The following DEUP1 variants were observed in gnomAD, a reference collection of about 807,000 sequenced individuals.
DEUP1 encodes the protein deuterosome assembly protein 1, also known as coiled-coil domain containing 67.
A neutral mutation model predicts 87.4 loss-of-function variants in DEUP1; 82 were observed. The observed-to-expected ratio is 0.94, with a 90% CI of 0.78 to 1.13. The LOEUF (loss-of-function observed/expected upper bound fraction) is 1.13, where lower values mean the gene tolerates loss of function less well. DEUP1 is among the 50% of genes most tolerant of loss of function. The pLI, the probability that DEUP1 is intolerant of heterozygous loss-of-function variation, is 0.00. For synonymous variants in DEUP1, 214 were observed against 222.7 expected, an observed-to-expected ratio of 0.96 and a Z score of 0.35; for missense variants, 663 against 681.5, an observed-to-expected ratio of 0.97 and a Z score of 0.30.
chr11:93,415,899 G>A (rs1362419601), intron 13 of DEUP1, among the ~76,000 whole-genome samples: 2 of 151,824 alleles, frequency 1.3e-5, no homozygotes, highest in Admixed American at 6.6e-5. Context: ...TTCTACTATG[G>A]ATGGACATTT....
intron 13 of DEUP1, among the ~76,000 whole-genome samples, chr11:93,426,994 T>TAAAAAAAAAAAAAAAAAAAAAA (rs1157644297): frequency 3.4e-4 from 1 of 2,912 alleles, no homozygotes; most frequent in Non-Finnish European, 5.5e-4. Context: ...TAGAGTATAA[T>TAAAAAAAAAAAAAAAAAAAAAA]AAAAAAAAAA....
Position 93,363,265 on chromosome 11 carries a change from A to T in DEUP1, c.298-895A>T, listed in dbSNP as rs181586426. Among the ~76,000 whole-genome samples the T allele has an allele frequency of 2.0e-4, 31 of 151,936 alleles. No individual in the cohort carries two copies. The East Asian group carries it at 6.0e-3, about 29-fold the overall frequency. On this transcript the variant is annotated intron_variant, in intron 4 of 13. Coordinates refer to ENST00000298050, the MANE Select transcript of DEUP1 (RefSeq NM_181645.4). ...ATTCTAAAGGGATAGCATGAAGGAG[A>T]TCTTTGTGGTGACAGAATAGTCTAT...
intron 12 of DEUP1, among the ~76,000 whole-genome samples, chr11:93,412,411 G>A (rs1591247012): frequency 6.6e-6 from 1 of 152,160 alleles, no homozygotes; most frequent in Non-Finnish European, 1.5e-5. Context: ...TTTATGCAAG[G>A]TGGTTTTATG....
intron 7 of DEUP1, among the ~76,000 whole-genome samples, chr11:93,376,595 A>AT (rs1020859915): frequency 1.3e-5 from 2 of 151,056 alleles, no homozygotes; most frequent in East Asian, 1.9e-4. Context: ...TATCTGTTGA[A>AT]TTTTTTTTGT....
intron 2 of DEUP1, among the ~76,000 whole-genome samples, chr11:93,340,306 G>A (rs1278705150): frequency 6.6e-6 from 1 of 152,194 alleles, no homozygotes; most frequent in African/African-American, 2.4e-5. Context: ...GGCATTCCAG[G>A]CAGAGGAATC....
chr11:93,404,387 A>G (rs529365017), intron 11 of DEUP1, among the ~76,000 whole-genome samples: 1 of 152,226 alleles, frequency 6.6e-6, no homozygotes, highest in Non-Finnish European at 1.5e-5. Context: ...AGATTTAATT[A>G]GAACTCAGAA....
At chr11:93,336,758 C>T (rs1943786191) in intron 2 of DEUP1, among the ~76,000 whole-genome samples, 2 of 152,126 alleles carry the variant, frequency 1.3e-5, no homozygotes, top group Non-Finnish European at 2.9e-5. Flanking sequence ...GAGTCAACCC[C>T]TTCTTAGCCA....
At chr11:93,392,801 T>G (rs2134355002) in intron 9 of DEUP1, among the ~76,000 whole-genome samples, 1 of 152,246 alleles carries the variant, frequency 6.6e-6, no homozygotes, top group South Asian at 2.1e-4. Flanking sequence ...TAGCCTCTAC[T>G]TAACTCTCCA....
chr11:93,400,504 G>C (rs1162626933), intron 11 of DEUP1, among the ~76,000 whole-genome samples: 1 of 151,954 alleles, frequency 6.6e-6, no homozygotes, highest in African/African-American at 2.4e-5. Flanking sequence ...CATTTTATAG[G>C]ATGCTAGTCC....
At chr11:93,428,377 T>C (rs539860158) in intron 13 of DEUP1, among the ~76,000 whole-genome samples, 2 of 151,764 alleles carry the variant, frequency 1.3e-5, no homozygotes, top group African/African-American at 4.8e-5. Context: ...TTCTCACTCA[T>C]TGATGGGCAT....
chr11:93,351,776 A>G (rs1944638771), intron 2 of DEUP1, among the ~76,000 whole-genome samples: 1 of 152,254 alleles, frequency 6.6e-6, no homozygotes, highest in Non-Finnish European at 1.5e-5. Flanking sequence ...CTTTGTACTT[A>G]AAACAAACCT....
intron 12 of DEUP1, among the ~76,000 whole-genome samples, chr11:93,412,072 T>C (rs1947450649): frequency 6.6e-6 from 1 of 152,074 alleles, no homozygotes; most frequent in Admixed American, 6.6e-5. Flanking sequence ...TAGTGGAGTG[T>C]TGGAAGGTGA....
At chr11:93,400,273 G>A (rs920532091) in intron 11 of DEUP1, among the ~76,000 whole-genome samples, 66 of 152,294 alleles carry the variant, frequency 4.3e-4, no homozygotes, top group African/African-American at 1.5e-3. Context: ...CAAGGTGTCA[G>A]CAGGGCTATG....
In DEUP1 at chr11:93,390,289, C is replaced by T. The variant is rs142719031; in HGVS notation, c.1041+1164C>T. ...AGGGTCATAAATTCAGTTGTTTGTA[C>T]AAATTTAACAAACATTTGTTGAGTA... On this transcript the variant is annotated intron_variant, in intron 9 of 13. Coordinates refer to ENST00000298050, the MANE Select transcript of DEUP1 (RefSeq NM_181645.4). Among the ~76,000 whole-genome samples the T allele has an allele frequency of 6.6e-5, 10 of 152,100 alleles. No individual in the cohort carries two copies. In the East Asian group the frequency reaches 1.9e-3, roughly 29 times the overall value.
intron 2 of DEUP1, among the ~76,000 whole-genome samples, chr11:93,354,929 A>T (rs1944819537): frequency 6.6e-6 from 1 of 152,160 alleles, no homozygotes; most frequent in South Asian, 2.1e-4. Context: ...TTGAGGAGCC[A>T]TACTATAGCC....
intron 2 of DEUP1, among the ~76,000 whole-genome samples, chr11:93,354,240 C>A (rs1234710557): frequency 6.6e-6 from 1 of 152,152 alleles, no homozygotes; most frequent in Non-Finnish European, 1.5e-5. Context: ...TAAAACATAA[C>A]AAGAGTCACC....
At chr11:93,435,023 A>G (rs969359747) in intron 13 of DEUP1, among the ~76,000 whole-genome samples, 4 of 152,160 alleles carry the variant, frequency 2.6e-5, no homozygotes, top group African/African-American at 9.6e-5. Context: ...CCCCACTGCC[A>G]TACTCTTTTG....
At chr11:93,378,284 G>A (rs1946135770) in intron 7 of DEUP1, among the ~76,000 whole-genome samples, 1 of 152,036 alleles carries the variant, frequency 6.6e-6, no homozygotes, top group South Asian at 2.1e-4. Flanking sequence ...CAAACTTCTT[G>A]GAGGCTTTGT....
intron 5 of DEUP1, among the ~76,000 whole-genome samples, chr11:93,368,376 T>C (rs1360908988): frequency 6.6e-6 from 1 of 152,208 alleles, no homozygotes; most frequent in African/African-American, 2.4e-5. Context: ...CTCACACTGC[T>C]ATAATGAACT....
Sources: gnomAD v4.1 joint callset for allele counts (sites outside exome capture counted in the v4.1 genomes callset) on GRCh38, gnomAD v4.1.1 for gene constraint, MANE v1.5 for transcripts, NCBI Gene and HGNC (gene_info 2026-07-23, HGNC 2026-07-21) for gene names.